Variants in HECW1 observed in about 807,000 individuals in gnomAD.
HECW1 encodes the protein E3 ubiquitin-protein ligase HECW1.
A neutral mutation model predicts 182.3 loss-of-function variants in HECW1; 61 were observed. That is an observed-to-expected ratio of 0.33 (90% CI 0.27 to 0.41). HECW1 has a LOEUF of 0.41. Ranked by LOEUF, HECW1 falls within the 10% of genes least tolerant of loss-of-function variation. The pLI, the probability that HECW1 is intolerant of heterozygous loss-of-function variation, is 1.00. For missense variants in HECW1, 1,739 were observed against 2,108.9 expected (o/e 0.82, Z 3.44); for synonymous variants, 859 against 832.6 (o/e 1.03, Z -0.55).
At chr7:43,261,261 A>G (rs992081789) in intron 3 of HECW1, among the ~76,000 whole-genome samples, 2 of 152,218 alleles carry the variant, frequency 1.3e-5, no homozygotes, top group African/African-American at 4.8e-5. Context: ...CTTGATGTAA[A>G]GAAATTGCCT....
chr7:43,353,413 A>AGAG (rs2152807436), intron 5 of HECW1, among the ~76,000 whole-genome samples: 1 of 152,282 alleles, frequency 6.6e-6, no homozygotes, highest in Non-Finnish European at 1.5e-5. Flanking sequence ...ACTTCTCAGA[A>AGAG]GAGTACCATG....
chr7:43,173,559 A>G (rs957706407), intron 2 of HECW1, among the ~76,000 whole-genome samples: 8 of 152,194 alleles, frequency 5.3e-5, no homozygotes, highest in Non-Finnish European at 1.0e-4. Context: ...ATCATCAGGC[A>G]TTAGTTAGAT....
intron 3 of HECW1, among the ~76,000 whole-genome samples, chr7:43,253,487 T>C (rs1437349512): frequency 6.6e-6 from 1 of 152,226 alleles, no homozygotes; most frequent in Non-Finnish European, 1.5e-5. Flanking sequence ...CCCACAAACA[T>C]AGATTGTCAG....
At chr7:43,528,710 C>T (rs1157123753) in intron 24 of HECW1, among the ~76,000 whole-genome samples, 1 of 152,182 alleles carries the variant, frequency 6.6e-6, no homozygotes, top group Non-Finnish European at 1.5e-5. Context: ...CTCTGCCCCC[C>T]TGCAGGGCAG....
Position 43,205,945 on chromosome 7 carries a change from C to A in HECW1, c.-31-37930C>A, listed in dbSNP as rs191497057. On this transcript the variant is annotated intron_variant, in intron 2 of 29. Coordinates refer to ENST00000395891, the MANE Select transcript of HECW1 (RefSeq NM_015052.5). ...TCCTTCCAGCCTGTCCTTTAGCCCT[C>A]CAAGGAGAAGGTCTTTGTTACCCCT... Among the ~76,000 whole-genome samples, 17 of 152,290 alleles carry A rather than the reference C, an allele frequency of 1.1e-4. No homozygotes were observed. In the East Asian group the frequency reaches 2.7e-3, roughly 24 times the overall value.
intron 24 of HECW1, among the ~76,000 whole-genome samples, chr7:43,515,135 A>G (rs2080082103): frequency 6.6e-6 from 1 of 152,174 alleles, no homozygotes; most frequent in African/African-American, 2.4e-5. Context: ...AGGAGTGGGG[A>G]ATTCTAGATG....
chr7:43,386,363 C>A (rs1326049956), intron 6 of HECW1, among the ~76,000 whole-genome samples: 1 of 152,164 alleles, frequency 6.6e-6, no homozygotes, highest in Non-Finnish European at 1.5e-5. Context: ...TCAGAAGGGT[C>A]CCCCTAGTCA....
intron 2 of HECW1, among the ~76,000 whole-genome samples, chr7:43,125,726 C>A (rs1465081697): frequency 4.6e-5 from 6 of 131,482 alleles, no homozygotes; most frequent in Non-Finnish European, 9.3e-5. Context: ...CCACTGCACT[C>A]CAGCCTGGGT....
At chr7:43,446,930 G>A (rs543859292) in intron 11 of HECW1, among the ~76,000 whole-genome samples, 62 of 152,192 alleles carry the variant, frequency 4.1e-4, no homozygotes, top group Non-Finnish European at 5.7e-4. Context: ...TGCACTGGGC[G>A]CAGGAAGATG....
At chr7:43,380,019 T>C (rs143727622) in intron 6 of HECW1, among the ~76,000 whole-genome samples, 6 of 152,354 alleles carry the variant, frequency 3.9e-5, no homozygotes, top group Non-Finnish European at 7.3e-5. Context: ...GGTTATTCCC[T>C]GGCTCAGCCA....
chr7:43,114,577 A>G (rs1784894980), intron 2 of HECW1, among the ~76,000 whole-genome samples, 186 bp downstream of exon 2: 1 of 152,228 alleles, frequency 6.6e-6, no homozygotes, highest in South Asian at 2.1e-4. Flanking sequence ...TTCCTCTGGA[A>G]TGTGGCATTG....
intron 11 of HECW1, among the ~76,000 whole-genome samples, chr7:43,449,715 G>C (rs1471132225): frequency 6.6e-6 from 1 of 152,202 alleles, no homozygotes; most frequent in Non-Finnish European, 1.5e-5. Flanking sequence ...GAAGGAAAAG[G>C]CCTGACCTTT....
chr7:43,404,496 TAAG>T (rs1584786145), intron 7 of HECW1, among the ~76,000 whole-genome samples: 1 of 152,134 alleles, frequency 6.6e-6, no homozygotes, highest in East Asian at 1.9e-4. Context: ...TTTAAAAAAA[TAAG>T]AACAATAAGA....
chr7:43,470,688 TGAG>T (rs1486389839), intron 16 of HECW1, among the ~76,000 whole-genome samples: 2 of 152,198 alleles, frequency 1.3e-5, no homozygotes, highest in Non-Finnish European at 2.9e-5. Context: ...GAATTTCAAA[TGAG>T]AAGACTTTCA....
intron 2 of HECW1, among the ~76,000 whole-genome samples, chr7:43,163,463 C>T (rs1790771778): frequency 1.3e-5 from 2 of 152,172 alleles, no homozygotes; most frequent in Admixed American, 6.5e-5. Flanking sequence ...GAGATGGAGG[C>T]AGGCTCTGCT....
At chr7:43,246,552 T>A (rs1443840160) in intron 3 of HECW1, among the ~76,000 whole-genome samples, 1 of 152,154 alleles carries the variant, frequency 6.6e-6, no homozygotes, top group Non-Finnish European at 1.5e-5. Context: ...CACTCCTGGT[T>A]GAGAAACACT....
At chr7:43,341,594 C>T (rs756787799) in intron 5 of HECW1, among the ~76,000 whole-genome samples, 24 of 151,688 alleles carry the variant, frequency 1.6e-4, no homozygotes, top group Non-Finnish European at 2.8e-4. Flanking sequence ...GAGTTTATCA[C>T]GTGGCAATTT....
intron 12 of HECW1, among the ~76,000 whole-genome samples, chr7:43,455,891 C>T (rs1018853425): frequency 2.6e-5 from 4 of 152,034 alleles, no homozygotes; most frequent in African/African-American, 9.7e-5. Context: ...ATCCCAGCTA[C>T]TTGGAAGGCT....
At chr7:43,301,280 T>A (rs1309638402) in intron 3 of HECW1, among the ~76,000 whole-genome samples, 13 of 152,240 alleles carry the variant, frequency 8.5e-5, no homozygotes, top group Non-Finnish European at 1.9e-4. Flanking sequence ...GAGAAGTTCC[T>A]TCTGCTTAGA....
Sources: gnomAD v4.1 joint callset for allele counts (sites outside exome capture counted in the v4.1 genomes callset) on GRCh38, gnomAD v4.1.1 for gene constraint, MANE v1.5 for transcripts, NCBI Gene and HGNC (gene_info 2026-07-23, HGNC 2026-07-21) for gene names.